Variants in CDH12 observed in about 807,000 individuals in gnomAD.
CDH12 encodes cadherin 12.
Under a neutral mutation model 74.1 loss-of-function variants are expected in CDH12, and 41 were observed. That is an observed-to-expected ratio of 0.55 (90% confidence interval 0.43 to 0.72). CDH12 has a LOEUF of 0.72. Ranked by LOEUF, CDH12 falls within the 30% of genes least tolerant of loss-of-function variation. The pLI is 0.00. For missense variants in CDH12, 945 were observed against 977.2 expected, an observed-to-expected ratio of 0.97 and a Z score of 0.44; for synonymous variants, 399 against 355.0, an observed-to-expected ratio of 1.12 and a Z score of -1.39.
At chr5:22,729,116 A>G (rs1744305133) in intron 1 of CDH12, among the ~76,000 whole-genome samples, 1 of 151,856 alleles carries the variant, frequency 6.6e-6, no homozygotes, top group African/African-American at 2.4e-5. Context: ...GCAGCTCAGA[A>G]TAACAATATA....
At chr5:22,654,904 T>C (rs1739954693) in intron 1 of CDH12, among the ~76,000 whole-genome samples, 1 of 152,182 alleles carries the variant, frequency 6.6e-6, no homozygotes, top group South Asian at 2.1e-4. Context: ...GTGCTGGGAA[T>C]ACAGGCATGA....
chr5:22,021,113 G>C (rs1478275237), intron 5 of CDH12, among the ~76,000 whole-genome samples: 1 of 152,136 alleles, frequency 6.6e-6, no homozygotes, highest in African/African-American at 2.4e-5. Context: ...ATTGGGGAAA[G>C]GACCCAAGAC....
chr5:22,149,230 A>G (rs552246522), intron 4 of CDH12, among the ~76,000 whole-genome samples: 3 of 152,344 alleles, frequency 2.0e-5, no homozygotes, highest in African/African-American at 7.2e-5. Flanking sequence ...AAAAAGGGTC[A>G]TATTTATAAG....
chr5:22,052,087 T>C (rs1740410520), intron 5 of CDH12, among the ~76,000 whole-genome samples: 1 of 152,184 alleles, frequency 6.6e-6, no homozygotes, highest in Non-Finnish European at 1.5e-5. Context: ...ACACTTCATT[T>C]ACCCCTTGGT....
chr5:22,091,738 A>G (rs1743445067), intron 4 of CDH12, among the ~76,000 whole-genome samples: 1 of 152,046 alleles, frequency 6.6e-6, no homozygotes, highest in Admixed American at 6.6e-5. Flanking sequence ...ACCCAGCAGA[A>G]TATTAAAAAC....
intron 1 of CDH12, among the ~76,000 whole-genome samples, chr5:22,784,563 A>G (rs1342427094): frequency 3.3e-5 from 5 of 152,122 alleles, no homozygotes; most frequent in African/African-American, 9.7e-5. Context: ...TCAAAGTCCT[A>G]CTAAAATTGT....
At chr5:22,616,164 A>T (rs1260678711) in intron 1 of CDH12, among the ~76,000 whole-genome samples, 1 of 152,118 alleles carries the variant, frequency 6.6e-6, no homozygotes, top group Non-Finnish European at 1.5e-5. Flanking sequence ...TCTACCTGTC[A>T]ACTGTACTGT....
At chr5:22,545,748 A>G (rs1738295774) in intron 1 of CDH12, among the ~76,000 whole-genome samples, 1 of 152,216 alleles carries the variant, frequency 6.6e-6, no homozygotes, top group Non-Finnish European at 1.5e-5. Context: ...AATTATACTC[A>G]TTCTATTTTT....
intron 5 of CDH12, among the ~76,000 whole-genome samples, chr5:22,057,845 G>A (rs1159043561): frequency 6.6e-6 from 1 of 152,094 alleles, no homozygotes; most frequent in African/African-American, 2.4e-5. Flanking sequence ...ATATGTCACT[G>A]GCATCTCTGT....
Position 22,078,488 on chromosome 5 carries a change from C to G in CDH12, c.189G>C (p.Val63=). The stretch of plus-strand genomic sequence containing the variant: ...GCTCGGAGCCCACGTATTCTTCCAG[C>G]ACAAAAAATTGATTCCATACCCAGC... ...KRGWVWNQFF[V]LEEYVGSEPQ... The change falls in exon 5 of 15, where the codon GTG becomes GTC. Residue 63 remains valine, a synonymous_variant. Coordinates refer to ENST00000382254, the MANE Select transcript of CDH12 (RefSeq NM_004061.5). The G allele has an allele frequency of 6.2e-7, 1 of 1,613,894 alleles. No homozygotes were observed. Among genetic ancestry groups the G allele is most frequent in the Non-Finnish European group, 8.5e-7 (1 of 1,179,854 alleles).
chr5:22,245,255 A>G (rs1439544072), intron 3 of CDH12, among the ~76,000 whole-genome samples: 1 of 152,184 alleles, frequency 6.6e-6, no homozygotes, highest in Non-Finnish European at 1.5e-5. Flanking sequence ...ATCTAGAATA[A>G]AAGCTGGATG....
rs143060671 is a variant in CDH12, at chr5:22,724,285, T to C, written c.-523+128773A>G. On this transcript the variant is annotated intron_variant, in intron 1 of 14. Transcript: ENST00000382254. ...TGGGGTACAGGTGAGTTTGTGTTAA[T>C]GGGTAAGTCATTTAGTGTTGATTTC... Among the ~76,000 whole-genome samples the C allele has an allele frequency of 3.0e-3, 463 of 151,994 alleles. 5 individuals carry two copies. The highest frequency in any genetic ancestry group is 0.011 in the African/African-American group (451 of 41,524).
intron 1 of CDH12, among the ~76,000 whole-genome samples, chr5:22,776,389 T>G (rs1305045076): frequency 6.6e-6 from 1 of 152,152 alleles, no homozygotes; most frequent in African/African-American, 2.4e-5. Flanking sequence ...AAATGATCCC[T>G]GTCCGTCCTT....
chr5:22,796,597 G>A (rs1748231162), intron 1 of CDH12, among the ~76,000 whole-genome samples: 1 of 91,142 alleles, frequency 1.1e-5, no homozygotes. Context: ...TCGGCTCACT[G>A]CAAGCTCCGC....
At chr5:22,085,093 T>C (rs1742977353) in intron 4 of CDH12, among the ~76,000 whole-genome samples, 2 of 152,212 alleles carry the variant, frequency 1.3e-5, no homozygotes, top group Admixed American at 1.3e-4. Context: ...CCTCATCTTT[T>C]GTAGAGCCAG....
chr5:22,055,393 G>A (rs1201362340), intron 5 of CDH12, among the ~76,000 whole-genome samples: 1 of 152,086 alleles, frequency 6.6e-6, no homozygotes, highest in East Asian at 1.9e-4. Context: ...GACTTAATGG[G>A]AGTATGTTGA....
intron 5 of CDH12, among the ~76,000 whole-genome samples, chr5:22,055,591 T>C (rs1457051106): frequency 6.6e-6 from 1 of 152,176 alleles, no homozygotes; most frequent in Non-Finnish European, 1.5e-5. Flanking sequence ...TTTACTTAAT[T>C]GAATTGGATT....
At chr5:22,236,462 G>A (rs1752561724) in intron 3 of CDH12, among the ~76,000 whole-genome samples, 1 of 152,024 alleles carries the variant, frequency 6.6e-6, no homozygotes, top group Non-Finnish European at 1.5e-5. Context: ...GCCAGGCACG[G>A]TGGCTCACAC....
intron 6 of CDH12, among the ~76,000 whole-genome samples, chr5:21,894,051 C>T (rs972083512): frequency 6.6e-6 from 1 of 152,102 alleles, no homozygotes; most frequent in Non-Finnish European, 1.5e-5. Context: ...AGATTTTAAA[C>T]AATTAAAGTA....
Sources: allele counts gnomAD v4.1 joint callset (sites outside exome capture counted in the v4.1 genomes callset), GRCh38; gene constraint gnomAD v4.1.1; transcripts MANE v1.5; gene names NCBI Gene and HGNC (gene_info 2026-07-23, HGNC 2026-07-21).